LRRC15: variants seen among roughly 807,000 people sequenced by gnomAD.
LRRC15 encodes leucine-rich repeat-containing protein 15.
A neutral mutation model predicts 4.3 loss-of-function variants in LRRC15; 5 were observed. That is an observed-to-expected ratio of 1.16 (90% CI 0.61 to 2.44). The LOEUF (loss-of-function observed/expected upper bound fraction) is 2.44, where lower values mean the gene tolerates loss of function less well. LRRC15 is among the 30% of genes most tolerant of loss of function. The pLI is 0.01. For synonymous variants in LRRC15, 337 were observed against 323.2 expected (o/e 1.04, Z -0.46); for missense variants, 769 against 747.0 (o/e 1.03, Z -0.34).
intron 1 of LRRC15, among the ~76,000 whole-genome samples, 174 bp downstream of exon 1, chr3:194,369,487 G>C (rs1312729682): frequency 6.6e-6 from 1 of 150,874 alleles, no homozygotes; most frequent in African/African-American, 2.4e-5. Context: ...AGGGAGACAG[G>C]CTTGCACCCC....
chr3:194,368,765 C>T (rs1398375228), intron 1 of LRRC15, among the ~76,000 whole-genome samples: 1 of 152,146 alleles, frequency 6.6e-6, no homozygotes, highest in African/African-American at 2.4e-5. Flanking sequence ...ATGGCTCTTG[C>T]ACTTTGGCAG....
Position 194,360,232 on chromosome 3 carries a change from A to T in LRRC15, c.812T>A (p.Leu271His). The T allele has an allele frequency of 6.2e-7, 1 of 1,613,820 alleles. No individual in the cohort carries two copies. Among genetic ancestry groups the T allele is most frequent in the South Asian group, 1.1e-5 (1 of 91,074 alleles). ...ATTCCCAAAGAGAGTAAGACGGTTG[A>T]GCTGGGGCAGCTGCATGAAGACGCT... ...PPSVFMQLPQ[L>H]NRLTLFGNSL... The change falls in exon 2 of 2, where the codon CTC becomes CAC. Residue 271 changes from leucine to histidine, a missense_variant. Leu to His is a moderately conservative substitution (Grantham distance 99). Coordinates refer to ENST00000347624, the MANE Select transcript of LRRC15 (RefSeq NM_130830.5).
intron 1 of LRRC15, among the ~76,000 whole-genome samples, chr3:194,369,357 C>T (rs1379744666): frequency 6.6e-6 from 1 of 152,214 alleles, no homozygotes; most frequent in African/African-American, 2.4e-5. Flanking sequence ...TTCAGCCCAA[C>T]TTGCTGGTCT....
rs1195425194 is a variant in LRRC15, at chr3:194,357,179, G to A, written c.*2119C>T. 2 of 152,310 alleles carry A rather than the reference G, an allele frequency of 1.3e-5. No individual in the cohort carries two copies. Among genetic ancestry groups the A allele is most frequent in the Non-Finnish European group, 2.9e-5 (2 of 68,094 alleles). 9.4% of individuals were successfully genotyped at this position (152,310 alleles called of 1,614,324 possible). Reference sequence around the variant, plus strand: ...CACTTTTTGTGCAGGAACTGGAAGGGAAAACTGGTCAGCACGTGCTCCTGT... The same window carrying A: ...CACTTTTTGTGCAGGAACTGGAAGGAAAAACTGGTCAGCACGTGCTCCTGT... On this transcript the variant is annotated 3_prime_UTR_variant, in exon 2 of 2. Coordinates refer to ENST00000347624, the MANE Select transcript of LRRC15 (RefSeq NM_130830.5).
At chr3:194,363,400 G>T (rs777802404) in intron 1 of LRRC15, 4 of 706,542 alleles carry the variant, frequency 5.7e-6, no homozygotes, top group South Asian at 1.5e-5. Context: ...GCCAGGTTAT[G>T]CTAGGGACAC....
In LRRC15 at chr3:194,360,360, C is replaced by T. The variant is rs11713861; in HGVS notation, c.684G>A (p.Leu228=). Reference sequence around the variant, plus strand: ...AGAGCAGTCCAATCTGGTTCTGCTGCAGAGCCAGTTCCTGCAGGTTAACAA... The same window carrying T: ...AGAGCAGTCCAATCTGGTTCTGCTGTAGAGCCAGTTCCTGCAGGTTAACAA... ...DGLVNLQELA[L]QQNQIGLLSP... is the part of the protein sequence containing the mutation. Residue 228 remains leucine (L), a synonymous_variant, in exon 2 of 2, where the codon CTG becomes CTA. Coordinates refer to ENST00000347624, the MANE Select transcript of LRRC15 (RefSeq NM_130830.5). 386,364 of 1,613,838 alleles carry T rather than the reference C, an allele frequency of 0.24. 48,857 individuals are homozygous for T. The highest frequency in any genetic ancestry group is 0.26 in the Non-Finnish European group (311,631 of 1,179,908).
At position 194,360,701 on chromosome 3, in the gene LRRC15, C is replaced by T. The variant is rs748136010; in HGVS notation, c.343G>A (p.Val115Ile). ...YLSLANNKLQVLPIGLFQGLD... is the reference protein window; with the variant it reads ...YLSLANNKLQILPIGLFQGLD... ...CCCTGGAAGAGGCCGATGGGCAGAA[C>T]CTGCAGCTTGTTGTTGGCGAGGCTG... The change falls in exon 2 of 2, where the codon GTT (valine) becomes ATT (isoleucine). Residue 115 changes from valine (V) to isoleucine (I), a missense_variant. Coordinates refer to ENST00000347624, the MANE Select transcript of LRRC15 (RefSeq NM_130830.5). The T allele has an allele frequency of 9.3e-6, 15 of 1,614,198 alleles. No homozygotes were observed. The highest frequency in any genetic ancestry group is 2.2e-5 in the South Asian group (2 of 91,084).
Position 194,360,866 on chromosome 3 carries a change from T to A in LRRC15, c.178A>T (p.Ile60Phe). ...PLPWNAMSLQ[I>F]LNTHITELNE... ...AGTTCAGTGATGTGCGTGTTGAGGA[T>A]CTGCAGGCTCATGGCGTTCCAGGGC... The change falls in exon 2 of 2, where the codon ATC (isoleucine) becomes TTC (phenylalanine). Residue 60 changes from isoleucine to phenylalanine, a missense_variant. Transcript: ENST00000347624. 1 of 1,609,874 alleles carries A rather than the reference T, an allele frequency of 6.2e-7. No homozygotes were observed. Among genetic ancestry groups the A allele is most frequent in the South Asian group, 1.1e-5 (1 of 90,868 alleles).
chr3:194,360,075 A>C lies in LRRC15; in HGVS notation c.969T>G (p.Ile323Met). The change falls in exon 2 of 2, where the codon ATT becomes ATG. Residue 323 changes from isoleucine to methionine, a missense_variant. Transcript: ENST00000347624. ...TGAAGCTGATCTGATTGCGGCTAAG[A>C]ATCAGGACCTGCAACTGGCGGAGGT... Reference protein sequence around the residue: ...FSNLRQLQVLILSRNQISFIS... With the variant: ...FSNLRQLQVLMLSRNQISFIS... 4 of 1,614,202 alleles carry C rather than the reference A, an allele frequency of 2.5e-6. No individual in the cohort carries two copies. The highest frequency in any genetic ancestry group is 3.4e-6 in the Non-Finnish European group (4 of 1,180,040).
Position 194,357,639 on chromosome 3 carries a change from C to T in LRRC15, c.*1659G>A, listed in dbSNP as rs1474896508. The T allele has an allele frequency of 6.6e-6, 1 of 152,234 alleles. No homozygotes were observed. Among genetic ancestry groups the T allele is most frequent in the Non-Finnish European group, 1.5e-5 (1 of 68,052 alleles). 9.4% of individuals were successfully genotyped at this position (152,234 alleles called of 1,614,324 possible). A position where few individuals can be genotyped will look rare whatever the true frequency, so the allele number is the denominator to read the frequency against. ...TAACCCTGGAGCAAACAACTCAACT[C>T]CTAACCAGACCACACGCAGGAGGAG... On this transcript the variant is annotated 3_prime_UTR_variant, in exon 2 of 2. Coordinates refer to ENST00000347624, the MANE Select transcript of LRRC15 (RefSeq NM_130830.5).
intron 1 of LRRC15, among the ~76,000 whole-genome samples, chr3:194,366,828 G>C (rs1350464327): frequency 1.0e-4 from 5 of 49,552 alleles, no homozygotes; most frequent in African/African-American, 8.4e-4. Context: ...AGCTGAGGGG[G>C]TCCCCAGGGA....
chr3:194,360,758 C>T lies in LRRC15; in HGVS notation c.286G>A (p.Ala96Thr). The change falls in exon 2 of 2, where the codon GCC (alanine) becomes ACC (threonine). Residue 96 changes from alanine to threonine, a missense_variant. By Grantham distance (58) the Ala-to-Thr change is moderately conservative. Transcript: ENST00000347624. ...KNELSRITPG[A>T]FRNLGSLRYL... Reference sequence around the variant, plus strand: ...CGCAGCGAGCCCAGGTTTCGGAAGGCCCCAGGCGTGATGCGCGACAGCTCA... The same window carrying T: ...CGCAGCGAGCCCAGGTTTCGGAAGGTCCCAGGCGTGATGCGCGACAGCTCA... 1 of 1,614,224 alleles carries T rather than the reference C, an allele frequency of 6.2e-7. No individual in the cohort carries two copies. Among genetic ancestry groups the T allele is most frequent in the Non-Finnish European group, 8.5e-7 (1 of 1,180,032 alleles).
Position 194,359,601 on chromosome 3 carries a change from C to T in LRRC15, c.1443G>A (p.Val481=), listed in dbSNP as rs1194591000. The change falls in exon 2 of 2, where the codon GTG becomes GTA. Residue 481 remains valine, a synonymous_variant. Transcript: ENST00000347624. ...VAVPSVHVPE[V]PSYPETPWYP... ...ACCATGGTGTTTCTGGGTAACTAGG[C>T]ACCTCGGGGACATGGACGCTTGGAA... 1 of 1,613,732 alleles carries T rather than the reference C, an allele frequency of 6.2e-7. No individual in the cohort carries two copies. Among genetic ancestry groups the T allele is most frequent in the South Asian group, 1.1e-5 (1 of 91,000 alleles).
At position 194,360,027 on chromosome 3, in the gene LRRC15, C is replaced by T. The variant is rs756717767; in HGVS notation, c.1017G>A (p.Gly339=). ...GGGACAGCTCCCGAAGCTCCGTTAG[C>T]CCGTTGAAGGCACCCGGGGAGATGA... ...ISFISPGAFN[G]LTELRELSLH... Residue 339 remains glycine (G), a synonymous_variant, in exon 2 of 2, where the codon GGG becomes GGA. Transcript: ENST00000347624. 1 of 1,614,234 alleles carries T rather than the reference C, an allele frequency of 6.2e-7. No individual in the cohort carries two copies. The highest frequency in any genetic ancestry group is 8.5e-7 in the Non-Finnish European group (1 of 1,180,050).
chr3:194,365,365 C>G (rs143533504), intron 1 of LRRC15, among the ~76,000 whole-genome samples: 102 of 152,012 alleles, frequency 6.7e-4, no homozygotes, highest in Admixed American at 2.0e-3. Context: ...TAATTAGCCT[C>G]GAAGCCCTGG....
In LRRC15 at chr3:194,360,011, C is replaced by T. The variant is rs1193800867; in HGVS notation, c.1033G>A (p.Glu345Lys). The T allele has an allele frequency of 6.2e-7, 1 of 1,614,192 alleles. No individual in the cohort carries two copies. The highest frequency in any genetic ancestry group is 1.7e-5 in the Admixed American group (1 of 60,028). Residue 345 changes from glutamate (E) to lysine (K), a missense_variant, in exon 2 of 2, where the codon GAG becomes AAG. Coordinates refer to ENST00000347624, the MANE Select transcript of LRRC15 (RefSeq NM_130830.5). ...GAFNGLTELR[E>K]LSLHTNALQD... ...AGTGCGTTGGTGTGGAGGGACAGCT[C>T]CCGAAGCTCCGTTAGCCCGTTGAAG...
intron 1 of LRRC15, among the ~76,000 whole-genome samples, chr3:194,363,176 T>C (rs1713684018): frequency 6.6e-6 from 1 of 152,072 alleles, no homozygotes; most frequent in Non-Finnish European, 1.5e-5. Context: ...CCTGACCTCG[T>C]GATCTGCCCA....
intron 1 of LRRC15, among the ~76,000 whole-genome samples, chr3:194,364,771 C>T (rs953045301): frequency 1.4e-4 from 22 of 152,278 alleles, no homozygotes; most frequent in African/African-American, 5.3e-4. Context: ...TAAATCCTCA[C>T]ATCTGCAAAG....
chr3:194,367,622 A>G (rs1713819428), intron 1 of LRRC15, among the ~76,000 whole-genome samples: 1 of 152,166 alleles, frequency 6.6e-6, no homozygotes, highest in Non-Finnish European at 1.5e-5. Context: ...TGGATTTGAA[A>G]CTGGGACAGC....
Sources: gnomAD v4.1 joint callset for allele counts (sites outside exome capture counted in the v4.1 genomes callset) on GRCh38, gnomAD v4.1.1 for gene constraint, MANE v1.5 for transcripts, NCBI Gene and HGNC (gene_info 2026-07-23, HGNC 2026-07-21) for gene names.